Variants in KIFAP3 observed in about 807,000 individuals in gnomAD.
The protein encoded by KIFAP3 is kinesin associated protein 3.
In KIFAP3, 68 loss-of-function variants were observed where a neutral mutation model predicts 106.5. The ratio of observed to expected loss-of-function variants is 0.64; its 90% CI spans 0.53 to 0.78. The LOEUF is 0.78. Among genes scored for constraint, KIFAP3 ranks in the 30% least tolerant of loss-of-function variants. The pLI is 0.00. For missense variants in KIFAP3, 780 were observed against 941.8 expected, an observed-to-expected ratio of 0.83 and a Z score of 2.25; for synonymous variants, 320 against 311.5, an observed-to-expected ratio of 1.03 and a Z score of -0.29.
At position 170,024,565 on chromosome 1, in the gene KIFAP3, C is replaced by A; in HGVS notation, c.873G>T (p.Glu291Asp). 6.3e-7 allele frequency: 1 copy of A among 1,581,478 alleles called. No homozygotes were observed. Among genetic ancestry groups the A allele is most frequent in the Non-Finnish European group, 8.6e-7 (1 of 1,165,508 alleles). Residue 291 changes from glutamate to aspartate, a missense_variant, in exon 9 of 20, where the codon GAG (glutamate) becomes GAT (aspartate). By Grantham distance (45) the Glu-to-Asp change is conservative. Around this residue, in one of 3 missense-constraint regions of KIFAP3, gnomAD observed 588 missense variants for 678.9 expected, o/e 0.87. Coordinates refer to ENST00000361580, the MANE Select transcript of KIFAP3 (RefSeq NM_014970.4). ...VALYLLLNLA[E>D]DTRTELKMRN... ...TCATTTTCAGTTCGGTACGAGTATC[C>A]TCAGCAAGATTCAGAAGCAAATAAA...
At chr1:169,934,155 T>C (rs1176213513) in intron 19 of KIFAP3, among the ~76,000 whole-genome samples, 1 of 152,164 alleles carries the variant, frequency 6.6e-6, no homozygotes, top group African/African-American at 2.4e-5. Flanking sequence ...TCTATCATAC[T>C]TGGCATGCTT....
At chr1:170,036,254 T>C (rs1038599743) in intron 5 of KIFAP3, among the ~76,000 whole-genome samples, 1 of 152,050 alleles carries the variant, frequency 6.6e-6, no homozygotes, top group African/African-American at 2.4e-5. Flanking sequence ...AAAATATCTG[T>C]ATGTTAAAAT....
intron 16 of KIFAP3, among the ~76,000 whole-genome samples, chr1:169,975,671 A>C (rs1219107036): frequency 6.6e-6 from 1 of 151,984 alleles, no homozygotes; most frequent in Non-Finnish European, 1.5e-5. Flanking sequence ...CTGGAGTGCA[A>C]TGGCATGATC....
At chr1:169,983,165 G>T in intron 13 of KIFAP3, 105 bp downstream of exon 13, 1 of 692,334 alleles carries the variant, frequency 1.4e-6, no homozygotes, top group Non-Finnish European at 2.4e-6. Flanking sequence ...AGAGCAATTT[G>T]GATTATAAAT....
upstream of KIFAP3, chr1:170,074,724 G>A (rs1181423392): frequency 1.5e-5 from 20 of 1,370,052 alleles, no homozygotes; most frequent in African/African-American, 2.0e-4. Flanking sequence ...GCATGCGCTT[G>A]CTCTGCACCT....
At chr1:169,990,153 A>G (rs930948831) in intron 11 of KIFAP3, 1 of 1,494,454 alleles carries the variant, frequency 6.7e-7, no homozygotes, top group African/African-American at 1.4e-5. Flanking sequence ...AGAAGCACAG[A>G]GTTCAGTATG....
In KIFAP3 at chr1:170,072,121, ATGT is replaced by A. The variant is rs1469903410; in HGVS notation, c.32+2312_32+2314del. Among the ~76,000 whole-genome samples the A allele has an allele frequency of 3.3e-5, 5 of 152,312 alleles. No homozygotes were observed. The East Asian group carries it at 5.8e-4, about 18-fold the overall frequency. ...TCTCAACTATTAAATGAATGAACAA[ATGT>A]TGTTCACTTTTAATATCCTTCAATA... On this transcript the variant is annotated intron_variant, in intron 1 of 19. Coordinates refer to ENST00000361580, the MANE Select transcript of KIFAP3 (RefSeq NM_014970.4).
intron 1 of KIFAP3, among the ~76,000 whole-genome samples, chr1:170,071,847 C>T (rs529871209): frequency 6.6e-5 from 10 of 152,248 alleles, no homozygotes; most frequent in African/African-American, 2.4e-4. Flanking sequence ...TATTATGCAG[C>T]TATATAAAGG....
intron 9 of KIFAP3, among the ~76,000 whole-genome samples, chr1:170,017,706 T>C (rs1668597129): frequency 6.6e-6 from 1 of 152,178 alleles, no homozygotes; most frequent in African/African-American, 2.4e-5. Context: ...GTCAGATGCG[T>C]TCCTAGACCA....
At chr1:170,066,828 A>G (rs1434889941) in intron 1 of KIFAP3, among the ~76,000 whole-genome samples, 4 of 152,194 alleles carry the variant, frequency 2.6e-5, no homozygotes, top group Non-Finnish European at 5.9e-5. Flanking sequence ...AGTTTAATGT[A>G]ATTGAATCTC....
intron 8 of KIFAP3, among the ~76,000 whole-genome samples, chr1:170,026,282 G>A (rs1014792905): frequency 2.0e-5 from 3 of 152,100 alleles, no homozygotes; most frequent in Non-Finnish European, 4.4e-5. Context: ...CCCGGTTTAC[G>A]GTAATTTGTT....
intron 19 of KIFAP3, among the ~76,000 whole-genome samples, chr1:169,933,546 A>G (rs954587512): frequency 2.0e-5 from 3 of 152,082 alleles, no homozygotes; most frequent in African/African-American, 7.2e-5. Context: ...TCTTCAAAGA[A>G]TAGGGCTAAG....
chr1:170,061,606 G>A (rs953674360), intron 1 of KIFAP3, among the ~76,000 whole-genome samples: 38 of 152,110 alleles, frequency 2.5e-4, no homozygotes, highest in Admixed American at 5.2e-4. Context: ...ACAGTGTGGC[G>A]ATTCCTCAAG....
Position 170,030,978 on chromosome 1 carries a change from TAA to T in KIFAP3, c.841+906_841+907del, listed in dbSNP as rs200813806. The stretch of plus-strand genomic sequence containing the variant: ...ATCAGTTATACCTCAATAAAGCTGT[TAA>T]GAGAGTATACAATATTTGCATAAAT... On this transcript the variant is annotated intron_variant, in intron 8 of 19. Transcript: ENST00000361580. 1.8e-3 allele frequency among the ~76,000 whole-genome samples: 267 copies of T among 151,946 alleles called. 4 individuals carry two copies. The East Asian group carries it at 0.041, about 23-fold the overall frequency.
At chr1:169,976,132 G>T (rs1208698236) in intron 16 of KIFAP3, among the ~76,000 whole-genome samples, 1 of 152,060 alleles carries the variant, frequency 6.6e-6, no homozygotes, top group Non-Finnish European at 1.5e-5. Flanking sequence ...CTGTGTACAG[G>T]TACCTGGTAG....
chr1:169,922,032 A>G (rs890755561), intron 19 of KIFAP3, among the ~76,000 whole-genome samples: 6 of 152,242 alleles, frequency 3.9e-5, no homozygotes, highest in Non-Finnish European at 5.9e-5. Context: ...ACAAAGTGGA[A>G]GAATCAAATC....
At chr1:169,969,023 T>C (rs1403029579) in intron 17 of KIFAP3, among the ~76,000 whole-genome samples, 2 of 151,968 alleles carry the variant, frequency 1.3e-5, no homozygotes, top group East Asian at 3.9e-4. Context: ...TTAGAGTATA[T>C]GGGATTAAGA....
Position 170,024,553 on chromosome 1 carries a change from G to T in KIFAP3, c.885C>A (p.Thr295=). 1 of 1,597,436 alleles carries T rather than the reference G, an allele frequency of 6.3e-7. No individual in the cohort carries two copies. Among genetic ancestry groups the T allele is most frequent in the Non-Finnish European group, 8.5e-7 (1 of 1,172,140 alleles). The change falls in exon 9 of 20, where the codon ACC becomes ACA. Residue 295 remains threonine, a synonymous_variant. Transcript: ENST00000361580. ...LLLNLAEDTR[T]ELKMRNKNIV... is the part of the protein sequence containing the mutation. ...TGTTCTTGTTCCTCATTTTCAGTTCGGTACGAGTATCCTCAGCAAGATTCA... is the reference window on the plus strand; with the variant it reads ...TGTTCTTGTTCCTCATTTTCAGTTCTGTACGAGTATCCTCAGCAAGATTCA...
At position 170,038,447 on chromosome 1, in the gene KIFAP3, AG is replaced by A; in HGVS notation, c.376-17del. On this transcript the variant is annotated splice_polypyrimidine_tract_variant and intron_variant, in intron 4 of 19. Transcript: ENST00000361580. Reference sequence around the variant, plus strand: ...CTTCATCAATCTGAAACAAAGAGGCAGAAAGTACTCATCAACAATGCTCAAC... The same window carrying A: ...CTTCATCAATCTGAAACAAAGAGGCAAAAGTACTCATCAACAATGCTCAAC... The A allele has an allele frequency of 6.2e-7, 1 of 1,604,662 alleles. No individual in the cohort carries two copies. The highest frequency in any genetic ancestry group is 8.5e-7 in the Non-Finnish European group (1 of 1,177,084).
Sources: allele counts gnomAD v4.1 joint callset (sites outside exome capture counted in the v4.1 genomes callset), GRCh38; gene constraint gnomAD v4.1.1; regional missense constraint gnomAD v4.1.1; transcripts MANE v1.5; gene names NCBI Gene and HGNC (gene_info 2026-07-23, HGNC 2026-07-21).